Variants in ZNF208 observed in about 807,000 individuals in gnomAD.
ZNF208 encodes the protein zinc finger protein 208.
In ZNF208, 10 loss-of-function variants were observed where a neutral mutation model predicts 12.1. The observed-to-expected ratio is 0.83, with a 90% CI of 0.51 to 1.40. The LOEUF (loss-of-function observed/expected upper bound fraction) is 1.40, where lower values mean the gene tolerates loss of function less well. Ranked by LOEUF, ZNF208 falls within the 40% of genes most tolerant of loss-of-function variation. The pLI is 0.00. For synonymous variants in ZNF208, 497 were observed against 488.4 expected, an observed-to-expected ratio of 1.02 and a Z score of -0.23; for missense variants, 1,652 against 1,485.0, an observed-to-expected ratio of 1.11 and a Z score of -1.85.
intron 3 of ZNF208, among the ~76,000 whole-genome samples, chr19:21,978,867 C>CA (rs1320915489): frequency 6.6e-6 from 1 of 151,998 alleles, no homozygotes; most frequent in African/African-American, 2.4e-5. Flanking sequence ...CGAGAATAAC[C>CA]AGTTTAGAGA....
rs770224428 is a variant in ZNF208 at position 21,968,069 on chromosome 19, T to G, written c.*3122A>C. 6.6e-6 allele frequency: 1 copy of G among 152,142 alleles called. No homozygotes were observed. The highest frequency in any genetic ancestry group is 6.6e-5 in the Admixed American group (1 of 15,266). 9.4% of individuals were successfully genotyped at this position (152,142 alleles called of 1,614,324 possible). On this transcript the variant is annotated 3_prime_UTR_variant, in exon 4 of 4. Coordinates refer to ENST00000397126, the MANE Select transcript of ZNF208 (RefSeq NM_007153.3). ...ATATTATTGGTGTACAGAAATGCTA[T>G]GCATTTGTGCTGATTTTGTATTCTA...
intron 1 of ZNF208, among the ~76,000 whole-genome samples, chr19:22,010,246 T>A (rs1213339671): frequency 3.9e-5 from 6 of 152,192 alleles, no homozygotes. Flanking sequence ...AACCAATTAT[T>A]GAATGTGGTT....
At chr19:21,961,602 CA>C (rs1182988197), downstream of ZNF208, among the ~76,000 whole-genome samples, 1 of 151,996 alleles carries the variant, frequency 6.6e-6, no homozygotes, top group Non-Finnish European at 1.5e-5. Context: ...TGCAGGAGAC[CA>C]GGGCATATTT....
chr19:22,010,079 G>A (rs1971117942), intron 1 of ZNF208, among the ~76,000 whole-genome samples: 1 of 151,896 alleles, frequency 6.6e-6, no homozygotes, highest in African/African-American at 2.4e-5. Flanking sequence ...CAGCTACTCG[G>A]AAGGCTGAGG....
At chr19:21,991,542 A>C (rs1274217879) in intron 1 of ZNF208, 1 of 151,808 alleles carries the variant, frequency 6.6e-6, no homozygotes, top group Non-Finnish European at 1.5e-5. Flanking sequence ...GGAGTTCGAG[A>C]CCAGCCTGAC....
At position 21,996,383 on chromosome 19, in the gene ZNF208, T is replaced by C. The variant is rs367653031; in HGVS notation, c.4-7474A>G. On this transcript the variant is annotated intron_variant, in intron 1 of 3. Coordinates refer to ENST00000397126, the MANE Select transcript of ZNF208 (RefSeq NM_007153.3). Reference sequence around the variant, plus strand: ...ATATACATCATTAAGGTTAAGGATATGGAATATAGTGTCCAGTGTAGAATT... The same window carrying C: ...ATATACATCATTAAGGTTAAGGATACGGAATATAGTGTCCAGTGTAGAATT... Among the ~76,000 whole-genome samples the C allele has an allele frequency of 2.0e-5, 3 of 152,330 alleles. No homozygotes were observed. In the East Asian group the frequency reaches 5.8e-4, roughly 29 times the overall value.
At chr19:22,000,179 G>A (rs186137536) in intron 1 of ZNF208, among the ~76,000 whole-genome samples, 4 of 152,210 alleles carry the variant, frequency 2.6e-5, no homozygotes, top group South Asian at 4.1e-4. Context: ...ACAATATTAC[G>A]ACTTGAACTC....
rs547110242 is a variant in ZNF208 at position 21,984,502 on chromosome 19, G to A, written c.226+2714C>T. 2.2e-4 allele frequency among the ~76,000 whole-genome samples: 33 copies of A among 152,154 alleles called. No individual in the cohort carries two copies. In the East Asian group the frequency reaches 5.8e-3, roughly 27 times the overall value. ...CAAGAGGTGGAGGTTGCAATGAGCC[G>A]AGATAATGCCATTGCACTCCAGCCT... On this transcript the variant is annotated intron_variant, in intron 3 of 3. Transcript: ENST00000397126.
rs1970326087 is a variant in ZNF208, at chr19:21,972,755, C to A, written c.2279G>T (p.Trp760Leu). ...CTTATGATAACTAAGGGTTGAGGACCACTTATAGGCTTTGCCACATTCTTC... is the reference window on the plus strand; with the variant it reads ...CTTATGATAACTAAGGGTTGAGGACAACTTATAGGCTTTGCCACATTCTTC... ...KCEECGKAYK[W>L]SSTLSYHKKI... is the part of the protein sequence containing the mutation. The change falls in exon 4 of 4, where the codon TGG (tryptophan) becomes TTG (leucine). Residue 760 changes from tryptophan to leucine, a missense_variant. This residue lies in a region of ZNF208 where 1,239 missense variants were observed against 1,086.2 expected (regional missense o/e 1.14). Transcript: ENST00000397126. 6.3e-7 allele frequency: 1 copy of A among 1,581,582 alleles called. No individual in the cohort carries two copies. Among genetic ancestry groups the A allele is most frequent in the Non-Finnish European group, 8.6e-7 (1 of 1,163,860 alleles).
downstream of ZNF208, among the ~76,000 whole-genome samples, chr19:21,965,400 G>A (rs66814910): frequency 0.16 from 24,005 of 151,892 alleles, 2,057 homozygotes; most frequent in Admixed American, 0.22. Flanking sequence ...GCAGCACAAG[G>A]AAGGCAAGAA....
chr19:21,972,135 G>A lies in ZNF208; in HGVS notation c.2899C>T (p.His967Tyr), dbSNP rs1568443528. 1.2e-6 allele frequency: 2 copies of A among 1,610,812 alleles called. No homozygotes were observed. The highest frequency in any genetic ancestry group is 1.7e-5 in the Admixed American group (1 of 59,694). Residue 967 changes from histidine to tyrosine, a missense_variant, in exon 4 of 4, where the codon CAT (histidine) becomes TAT (tyrosine). This residue lies in a region of ZNF208 where 1,239 missense variants were observed against 1,086.2 expected (regional missense o/e 1.14). Coordinates refer to ENST00000397126, the MANE Select transcript of ZNF208 (RefSeq NM_007153.3). ...TATTTGTAAGGTTTCTCTTCAGTAT[G>A]AATTTTCTTATGATAACTAAGGGTT... Reference protein sequence around the residue: ...SSTLSYHKKIHTEEKPYKYEE... With the variant: ...SSTLSYHKKIYTEEKPYKYEE...
rs994229354 is a variant in ZNF208 at position 21,973,803 on chromosome 19, T to C, written c.1231A>G (p.Ile411Val). 10 of 1,605,954 alleles carry C rather than the reference T, an allele frequency of 6.2e-6. No homozygotes were observed. In the Admixed American group the frequency reaches 1.3e-4, roughly 22 times the overall value. The change falls in exon 4 of 4, where the codon ATC (isoleucine) becomes GTC (valine). Residue 411 changes from isoleucine (I) to valine (V), a missense_variant. Ile to Val is a conservative substitution (Grantham distance 29, BLOSUM62 3). Around this residue, in one of 3 missense-constraint regions of ZNF208, gnomAD observed 1,239 missense variants for 1,086.2 expected, o/e 1.14. Coordinates refer to ENST00000397126, the MANE Select transcript of ZNF208 (RefSeq NM_007153.3). ...TGAATGACCTCATGTTTAGTAAGGA[T>C]TGAGAACATACTAAAACCTTTGCCA... ...ECGKGFSMFS[I>V]LTKHEVIHTG...
chr19:21,940,818 T>G (rs1599598373), intron 4 of ZNF208: 1 of 152,564 alleles, frequency 6.6e-6, no homozygotes, highest in Non-Finnish European at 1.5e-5. Context: ...GAAGGGGAGG[T>G]GGCAGCAGAA....
intron 4 of ZNF208, chr19:21,940,420 A>G (rs1270912614): frequency 6.6e-6 from 1 of 152,224 alleles, no homozygotes. Flanking sequence ...TAAAAATTTT[A>G]GTCTCTAAGT....
At chr19:21,987,338 C>T in intron 2 of ZNF208, 27 bp from the exon 3 acceptor site, 2 of 1,589,000 alleles carry the variant, frequency 1.3e-6, no homozygotes, top group Non-Finnish European at 1.7e-6. Context: ...GAACAACATG[C>T]TTCTTGCTCA....
At chr19:21,997,224 G>A (rs1489160116) in intron 1 of ZNF208, among the ~76,000 whole-genome samples, 1 of 152,154 alleles carries the variant, frequency 6.6e-6, no homozygotes, top group Admixed American at 6.5e-5. Flanking sequence ...ACCATAATTT[G>A]TCTACAAGTA....
downstream of ZNF208, among the ~76,000 whole-genome samples, chr19:21,962,571 TTTC>T (rs1970091521): frequency 6.6e-6 from 1 of 152,146 alleles, no homozygotes; most frequent in Non-Finnish European, 1.5e-5. Context: ...CTGCATTCTC[TTTC>T]TTCAGCTAAT....
rs980567363 is a variant in ZNF208 at position 21,966,794 on chromosome 19, T to C, written c.*4397A>G. 4.6e-5 allele frequency: 7 copies of C among 152,180 alleles called. No homozygotes were observed. Among genetic ancestry groups the C allele is most frequent in the Admixed American group, 1.3e-4 (2 of 15,270 alleles). The allele number at this position is 152,180 out of a possible 1,614,324, so 9.4% of individuals were successfully genotyped here. A position where few individuals can be genotyped will look rare whatever the true frequency, so the allele number is the denominator to read the frequency against. ...TTATCTTACTTTTAATAAGTCATTC[T>C]TACTGGTATGAAATAGTATCACACT... On this transcript the variant is annotated 3_prime_UTR_variant, in exon 4 of 4. Coordinates refer to ENST00000397126, the MANE Select transcript of ZNF208 (RefSeq NM_007153.3).
At chr19:21,949,829 C>T (rs758704829) in intron 4 of ZNF208, among the ~76,000 whole-genome samples, 2 of 152,186 alleles carry the variant, frequency 1.3e-5, no homozygotes, top group Non-Finnish European at 2.9e-5. Context: ...TTGCTGGTAT[C>T]AAAGGCCACG....
Sources: gnomAD v4.1 joint callset for allele counts (sites outside exome capture counted in the v4.1 genomes callset) on GRCh38, gnomAD v4.1.1 for gene constraint, gnomAD v4.1.1 regional missense constraint, MANE v1.5 for transcripts, NCBI Gene and HGNC (gene_info 2026-07-23, HGNC 2026-07-21) for gene names.